Variants in DCDC1 observed in about 807,000 individuals in gnomAD.
The protein encoded by DCDC1 is doublecortin domain-containing protein 1.
Under a neutral mutation model 178.3 loss-of-function variants are expected in DCDC1, and 200 were observed. The observed-to-expected ratio is 1.12, with a 90% CI of 1.00 to 1.26. DCDC1 has a LOEUF of 1.26. Among genes scored for constraint, DCDC1 ranks in the 50% most tolerant of loss-of-function variants. DCDC1 has a pLI of 0.00. For missense variants in DCDC1, 1,983 were observed against 1,749.2 expected (o/e 1.13, Z -2.38); for synonymous variants, 690 against 604.8 (o/e 1.14, Z -2.07).
intron 20 of DCDC1, among the ~76,000 whole-genome samples, chr11:30,999,427 G>GA (rs1420524747): frequency 6.6e-6 from 1 of 152,042 alleles, no homozygotes; most frequent in Admixed American, 6.6e-5. Flanking sequence ...ATTTCAAAAT[G>GA]AAAAAATAGT....
rs887964186 is a variant in DCDC1, at chr11:31,182,142, G to C, written c.1222-44358C>G. Among the ~76,000 whole-genome samples the C allele has an allele frequency of 2.6e-5, 4 of 152,308 alleles. No homozygotes were observed. In the East Asian group the frequency reaches 7.7e-4, roughly 29 times the overall value. On this transcript the variant is annotated intron_variant, in intron 9 of 38. Transcript: ENST00000684477. The stretch of plus-strand genomic sequence containing the variant: ...TTGGTATACTTGAAATTGACAAGGA[G>C]AATGGAACAAAGTTGGAAAACACTC...
At chr11:30,940,417 G>A (rs1356558863) in intron 21 of DCDC1, among the ~76,000 whole-genome samples, 2 of 152,018 alleles carry the variant, frequency 1.3e-5, no homozygotes, top group East Asian at 3.9e-4. Context: ...TTCCATACAC[G>A]GTTGTGTTTC....
At chr11:31,201,756 G>C (rs1971312849) in intron 9 of DCDC1, among the ~76,000 whole-genome samples, 1 of 152,048 alleles carries the variant, frequency 6.6e-6, no homozygotes. Flanking sequence ...ATTTGCAAGA[G>C]TTGGACAGGG....
At chr11:31,339,950 T>G (rs1413831424) in intron 1 of DCDC1, among the ~76,000 whole-genome samples, 2 of 152,154 alleles carry the variant, frequency 1.3e-5, no homozygotes, top group South Asian at 4.1e-4. Flanking sequence ...TGGTTGCATA[T>G]GTACCCATGG....
chr11:31,054,019 A>G (rs897879355), intron 20 of DCDC1, among the ~76,000 whole-genome samples: 1 of 152,268 alleles, frequency 6.6e-6, no homozygotes, highest in Non-Finnish European at 1.5e-5. Context: ...ATCATTAAAG[A>G]GGAAGTCAAA....
rs567241385 is a variant in DCDC1 at position 30,981,537 on chromosome 11, C to T, written c.2592-28969G>A. Reference sequence around the variant, plus strand: ...TATTATATGCCAATTTATATTTAATCTCAAAAGCAGGCATAGTTTCTAAGT... The same window carrying T: ...TATTATATGCCAATTTATATTTAATTTCAAAAGCAGGCATAGTTTCTAAGT... On this transcript the variant is annotated intron_variant, in intron 20 of 38. Transcript: ENST00000684477. 6.6e-5 allele frequency among the ~76,000 whole-genome samples: 10 copies of T among 152,164 alleles called. No individual in the cohort carries two copies. The East Asian group carries it at 9.7e-4, about 15-fold the overall frequency.
chr11:31,132,869 T>G (rs538617996), intron 10 of DCDC1, among the ~76,000 whole-genome samples: 1 of 152,142 alleles, frequency 6.6e-6, no homozygotes, highest in African/African-American at 2.4e-5. Flanking sequence ...AAGCAGAAGG[T>G]AGCAAAAAAA....
At chr11:31,063,874 T>C (rs1158354409) in intron 20 of DCDC1, among the ~76,000 whole-genome samples, 1 of 152,128 alleles carries the variant, frequency 6.6e-6, no homozygotes, top group African/African-American at 2.4e-5. Flanking sequence ...CAGTTTATGA[T>C]TTACAACATC....
intron 36 of DCDC1, among the ~76,000 whole-genome samples, chr11:30,888,098 A>AAAGAAAGAAAG (rs1943400623): frequency 9.5e-6 from 1 of 105,426 alleles, no homozygotes; most frequent in Admixed American, 1.1e-4. Flanking sequence ...GAAAGAAAGA[A>AAAGAAAGAAAG]AAAGAAAGAA....
intron 14 of DCDC1, 84 bp downstream of exon 14, chr11:31,103,560 C>T (rs564235358): frequency 4.3e-5 from 26 of 610,388 alleles, no homozygotes; most frequent in African/African-American, 2.4e-4. Context: ...TTTAGTGTTT[C>T]GAATCTCTTA....
rs764950746 is a variant in DCDC1, at chr11:30,977,020, C to A, written c.2592-24452G>T. Among the ~76,000 whole-genome samples the A allele has an allele frequency of 5.3e-5, 8 of 152,212 alleles. No individual in the cohort carries two copies. The East Asian group carries it at 1.5e-3, about 29-fold the overall frequency. ...TTAGCCATAAAAAATGAAATCATGT[C>A]ATTTGCAGCAACATAGATGAAACTA... On this transcript the variant is annotated intron_variant, in intron 20 of 38. Coordinates refer to ENST00000684477, the MANE Select transcript of DCDC1 (RefSeq NM_001387274.1).
rs529368588 is a variant in DCDC1 at position 30,929,302 on chromosome 11, G to T, written c.2897+2469C>A. On this transcript the variant is annotated intron_variant, in intron 22 of 38. Coordinates refer to ENST00000684477, the MANE Select transcript of DCDC1 (RefSeq NM_001387274.1). ...ATCCCTGTTCTCTATCTCATGGATG[G>T]AACATAAGCAGATAATCATGAAACT... 3.3e-5 allele frequency among the ~76,000 whole-genome samples: 5 copies of T among 152,150 alleles called. No individual in the cohort carries two copies. The South Asian group carries it at 1.0e-3, about 32-fold the overall frequency.
intron 11 of DCDC1, among the ~76,000 whole-genome samples, chr11:31,111,369 A>T (rs985457519): frequency 6.6e-6 from 1 of 151,964 alleles, no homozygotes; most frequent in Non-Finnish European, 1.5e-5. Context: ...ACCTGGTTTT[A>T]GAAATAATGT....
At chr11:30,913,415 CA>C (rs1565065766) in intron 27 of DCDC1, among the ~76,000 whole-genome samples, 1 of 151,386 alleles carries the variant, frequency 6.6e-6, no homozygotes, top group East Asian at 1.9e-4. Flanking sequence ...AAAAAAAAAA[CA>C]AACAAAAAAA....
At chr11:31,305,906 T>A in intron 5 of DCDC1, 129 bp from the exon 6 acceptor site, 2 of 1,092,066 alleles carry the variant, frequency 1.8e-6, no homozygotes, top group Non-Finnish European at 2.5e-6. Context: ...AGTTATTTTC[T>A]AGCAGTTGAA....
chr11:30,940,121 C>G (rs185202814), intron 21 of DCDC1, among the ~76,000 whole-genome samples: 9 of 152,284 alleles, frequency 5.9e-5, no homozygotes, highest in Admixed American at 5.9e-4. Context: ...ATTCTTGAAA[C>G]TGGCCCAATT....
At position 30,916,307 on chromosome 11, in the gene DCDC1, A is replaced by G. The variant is rs116170497; in HGVS notation, c.3452+563T>C. 3.0e-3 allele frequency among the ~76,000 whole-genome samples: 453 copies of G among 152,370 alleles called. 4 individuals carry two copies. Among genetic ancestry groups the G allele is most frequent in the African/African-American group, 0.01 (423 of 41,600 alleles). The stretch of plus-strand genomic sequence containing the variant: ...CAATTAAATTAATCTATAAACATCT[A>G]TTAAGCCCCTACTACGTGCATGGCC... On this transcript the variant is annotated intron_variant, in intron 26 of 38. Coordinates refer to ENST00000684477, the MANE Select transcript of DCDC1 (RefSeq NM_001387274.1).
intron 9 of DCDC1, among the ~76,000 whole-genome samples, chr11:31,192,624 T>C (rs1970254740): frequency 6.6e-6 from 1 of 152,044 alleles, no homozygotes. Context: ...TACACACACA[T>C]ATGGAAAATG....
chr11:31,177,512 G>C (rs1222921107), intron 9 of DCDC1, among the ~76,000 whole-genome samples: 1 of 152,082 alleles, frequency 6.6e-6, no homozygotes, highest in East Asian at 1.9e-4. Flanking sequence ...GTAGGAGTAA[G>C]TCCTTATCCA....
Sources: allele counts gnomAD v4.1 joint callset (sites outside exome capture counted in the v4.1 genomes callset), GRCh38; gene constraint gnomAD v4.1.1; transcripts MANE v1.5; gene names NCBI Gene and HGNC (gene_info 2026-07-23, HGNC 2026-07-21).